Variants in THAP5 observed in about 807,000 individuals in gnomAD.
THAP5 encodes the protein THAP domain containing 5.
In THAP5, 26 loss-of-function variants were observed where a neutral mutation model predicts 34.0. That is an observed-to-expected ratio of 0.77 (90% CI 0.56 to 1.06). The LOEUF is 1.06. Among genes scored for constraint, THAP5 ranks in the 50% least tolerant of loss-of-function variants. The pLI, the probability that THAP5 is intolerant of heterozygous loss-of-function variation, is 0.00. For missense variants in THAP5, 394 were observed against 452.8 expected (o/e 0.87, Z 1.18); for synonymous variants, 125 against 153.0 (o/e 0.82, Z 1.35).
At chr7:108,558,415 T>TATATATA (rs1554694595), downstream of THAP5, among the ~76,000 whole-genome samples, 7 of 61,196 alleles carry the variant, frequency 1.1e-4, no homozygotes, top group African/African-American at 2.7e-4. Flanking sequence ...ATATATATAT[T>TATATATA]TAGACAGAGT....
chr7:108,566,102 A>G (rs1000153138), intron 1 of THAP5, 80 bp from the exon 2 acceptor site: 38 of 1,223,636 alleles, frequency 3.1e-5, no homozygotes, highest in Non-Finnish European at 3.8e-5. Context: ...CACCCTATAT[A>G]TCTGGGTAAC....
chr7:108,557,314 G>A (rs535257992), downstream of THAP5, among the ~76,000 whole-genome samples: 5 of 152,092 alleles, frequency 3.3e-5, no homozygotes, highest in African/African-American at 9.7e-5. Flanking sequence ...CTTTTCTACC[G>A]CATGTCCAGG....
Position 108,565,918 on chromosome 7 carries a change from G to C in THAP5, c.185C>G (p.Thr62Ser). Residue 62 changes from threonine to serine, a missense_variant, in exon 2 of 3, where the codon ACT becomes AGT. Coordinates refer to ENST00000415914, the MANE Select transcript of THAP5 (RefSeq NM_001130475.3). ...CCATCTGATGTCAAGAGAGTCAGGAGTAAAATGGTCACTACATAGAAACTG... is the reference window on the plus strand; with the variant it reads ...CCATCTGATGTCAAGAGAGTCAGGACTAAAATGGTCACTACATAGAAACTG... ...KYQFLCSDHF[T>S]PDSLDIRWGI... is the part of the protein sequence containing the mutation. 6.4e-7 allele frequency: 1 copy of C among 1,550,638 alleles called. No individual in the cohort carries two copies. Among genetic ancestry groups the C allele is most frequent in the African/African-American group, 1.4e-5 (1 of 73,056 alleles).
chr7:108,560,825 T>C (rs1864422636), downstream of THAP5, among the ~76,000 whole-genome samples: 1 of 152,014 alleles, frequency 6.6e-6, no homozygotes, highest in Non-Finnish European at 1.5e-5. Context: ...ACTGCAGCCT[T>C]GACCTAGGCT....
rs983769785 is a variant in THAP5 at position 108,569,438 on chromosome 7, A to AG, written c.80+51dup. ...GGAGACACCCAAGCCCAAAGGCCACAGGTCCAAGGCCTCACGGCGAGGCTG... is the reference window on the plus strand; with the variant it reads ...GGAGACACCCAAGCCCAAAGGCCACAGGGTCCAAGGCCTCACGGCGAGGCTG... On this transcript the variant is annotated intron_variant, in intron 1 of 2. Transcript: ENST00000415914. 276 of 1,550,660 alleles carry AG rather than the reference A, an allele frequency of 1.8e-4. 1 individual carries two copies. Among genetic ancestry groups the AG allele is most frequent in the Non-Finnish European group, 2.1e-4 (242 of 1,146,858 alleles).
chr7:108,568,675 AT>A (rs1347212821), intron 1 of THAP5: 1 of 154,442 alleles, frequency 6.5e-6, no homozygotes, highest in Non-Finnish European at 1.5e-5. Flanking sequence ...GAAATGCAGT[AT>A]TTTAAATATG....
the THAP5 span, among the ~76,000 whole-genome samples, chr7:108,545,904 C>T: frequency 6.6e-6 from 1 of 151,836 alleles, no homozygotes; most frequent in East Asian, 1.9e-4. Context: ...CTAAATTTCC[C>T]ATCTCCTTTG....
downstream of THAP5, among the ~76,000 whole-genome samples, chr7:108,558,862 AAAAGT>A (rs1203772532): frequency 2.0e-5 from 3 of 152,226 alleles, no homozygotes. Flanking sequence ...CATGTTATTA[AAAAGT>A]AAAGGGAATA....
the THAP5 span, among the ~76,000 whole-genome samples, chr7:108,544,255 G>A: frequency 3.3e-5 from 5 of 151,952 alleles, no homozygotes; most frequent in Non-Finnish European, 7.4e-5. Context: ...GGCCAGGGAC[G>A]CTGGTTTACA....
upstream of THAP5, chr7:108,569,707 G>A (rs994105231): frequency 1.1e-5 from 13 of 1,156,896 alleles, no homozygotes; most frequent in Non-Finnish European, 1.6e-5. Context: ...CGCCTCGTCT[G>A]TCGACTCACT....
In THAP5 at chr7:108,564,212, T is replaced by C. The variant is rs771234899; in HGVS notation, c.1167A>G (p.Thr389=). The C allele has an allele frequency of 1.9e-6, 3 of 1,595,640 alleles. No homozygotes were observed. Among genetic ancestry groups the C allele is most frequent in the South Asian group, 2.3e-5 (2 of 88,692 alleles). Residue 389 remains threonine (T), a synonymous_variant, in exon 3 of 3, where the codon ACA becomes ACG. Transcript: ENST00000415914. ...NVKIIENHFT[T]YEVTMI ...TATTCTATATCATAGTGACTTCATA[T>C]GTTGTAAAATGGTTTTCTATAATCT... is the stretch of plus-strand genomic sequence containing the variant.
chr7:108,565,769 C>T, intron 2 of THAP5, 61 bp downstream of exon 2: 2 of 1,331,816 alleles, frequency 1.5e-6, no homozygotes, highest in Non-Finnish European at 2.0e-6. Flanking sequence ...CCCACCTGAT[C>T]ACCTGCCACC....
chr7:108,558,381 GTATA>G (rs66806128), downstream of THAP5, among the ~76,000 whole-genome samples: 465 of 93,836 alleles, frequency 5.0e-3, 22 homozygotes, highest in East Asian at 8.9e-3. Flanking sequence ...GTGTGTGTAT[GTATA>G]TATATATATA....
downstream of THAP5, among the ~76,000 whole-genome samples, chr7:108,550,641 C>G (rs2154517803): frequency 6.6e-6 from 1 of 152,170 alleles, no homozygotes; most frequent in East Asian, 1.9e-4. Flanking sequence ...TTGGTTTCTC[C>G]TAAGGTCTCT....
At chr7:108,546,494 G>A in the THAP5 span, among the ~76,000 whole-genome samples, 22 of 152,292 alleles carry the variant, frequency 1.4e-4, no homozygotes, top group African/African-American at 5.3e-4. Context: ...TCTGGTTTCA[G>A]TTTTGCTCCA....
At chr7:108,568,235 C>G (rs1340360488) in intron 1 of THAP5, 1 of 152,184 alleles carries the variant, frequency 6.6e-6, no homozygotes, top group African/African-American at 2.4e-5. Context: ...GACGGAGTTT[C>G]GCTCTTGTTG....
intron 1 of THAP5, among the ~76,000 whole-genome samples, chr7:108,555,559 A>T (rs2154517876): frequency 6.6e-6 from 1 of 152,298 alleles, no homozygotes; most frequent in African/African-American, 2.4e-5. Context: ...TGTTATAAAG[A>T]ACTACCTGAG....
In THAP5 at chr7:108,564,397, C is replaced by G. The variant is rs746201329; in HGVS notation, c.982G>C (p.Asp328His). 6.2e-7 allele frequency: 1 copy of G among 1,613,816 alleles called. No individual in the cohort carries two copies. Among genetic ancestry groups the G allele is most frequent in the Non-Finnish European group, 8.5e-7 (1 of 1,179,882 alleles). The change falls in exon 3 of 3, where the codon GAT becomes CAT. Residue 328 changes from aspartate to histidine, a missense_variant. Physicochemically the swap from Asp to His is moderately conservative, Grantham distance 81. Transcript: ENST00000415914. ...TGCCAAAGATGTTCCTTATTTATATCTTGTCTGCAGTAAGAATGTTCGATT... is the reference window on the plus strand; with the variant it reads ...TGCCAAAGATGTTCCTTATTTATATGTTGTCTGCAGTAAGAATGTTCGATT... ...LQIEHSYCRQDINKEHLWQKV... is the reference protein window; with the variant it reads ...LQIEHSYCRQHINKEHLWQKV...
chr7:108,564,458 C>G lies in THAP5; in HGVS notation c.921G>C (p.Leu307Phe). 1 of 1,613,888 alleles carries G rather than the reference C, an allele frequency of 6.2e-7. No individual in the cohort carries two copies. The highest frequency in any genetic ancestry group is 8.5e-7 in the Non-Finnish European group (1 of 1,179,922). ...EMEDTDIEDS[L>F]YKDVDYGTEV... is the part of the protein sequence containing the mutation. ...CTGTCCCATAGTCTACATCCTTATA[C>G]AAGGAGTCTTCAATGTCTGTGTCTT... The change falls in exon 3 of 3, where the codon TTG becomes TTC. Residue 307 changes from leucine to phenylalanine, a missense_variant. Coordinates refer to ENST00000415914, the MANE Select transcript of THAP5 (RefSeq NM_001130475.3).
Sources: allele counts gnomAD v4.1 joint callset (sites outside exome capture counted in the v4.1 genomes callset), GRCh38; gene constraint gnomAD v4.1.1; transcripts MANE v1.5; gene names NCBI Gene and HGNC (gene_info 2026-07-23, HGNC 2026-07-21).